The following DMD variants were observed in gnomAD, a reference collection of about 807,000 sequenced individuals.
DMD encodes dystrophin.
Under a neutral mutation model 330.1 loss-of-function variants are expected in DMD, and 63 were observed. The ratio of observed to expected loss-of-function variants is 0.19; its 90% CI spans 0.16 to 0.24. The LOEUF (loss-of-function observed/expected upper bound fraction) is 0.24. Ranked by LOEUF, DMD falls within the 10% of genes least tolerant of loss-of-function variation. The pLI, the probability that DMD is intolerant of heterozygous loss-of-function variation, is 1.00. For missense variants in DMD, 3,344 were observed against 2,684.1 expected (o/e 1.25, Z -5.43); for synonymous variants, 1,223 against 959.8 (o/e 1.27, Z -5.07).
chrX:33,277,252 G>C (rs1395510243), intron 1 of DMD, among the ~76,000 whole-genome samples: 2 of 111,487 alleles, frequency 1.8e-5, no homozygotes, highest in African/African-American at 6.5e-5. Flanking sequence ...TTTCGTGGTT[G>C]CCAACAGCTG....
intron 67 of DMD, among the ~76,000 whole-genome samples, chrX:31,199,194 A>C (rs1057131376): frequency 1.8e-5 from 2 of 111,858 alleles, no homozygotes; most frequent in Non-Finnish European, 3.8e-5. Flanking sequence ...AAATCAATCT[A>C]ATCTCTCAAC....
intron 9 of DMD, among the ~76,000 whole-genome samples, chrX:32,657,033 G>A (rs1161557830): frequency 1.8e-5 from 2 of 110,247 alleles, no homozygotes; most frequent in African/African-American, 6.6e-5. Flanking sequence ...GTGTGTGTGT[G>A]TGTGTGTTTT....
chrX:31,545,936 T>A (rs1380138812), intron 55 of DMD, among the ~76,000 whole-genome samples: 1 of 112,101 alleles, frequency 8.9e-6, no homozygotes, highest in Non-Finnish European at 1.9e-5. Context: ...AACTGAGGTA[T>A]ATAGAGGTGA....
intron 57 of DMD, among the ~76,000 whole-genome samples, chrX:31,491,061 A>G (rs1460401414): frequency 2.7e-5 from 3 of 112,538 alleles, no homozygotes; most frequent in African/African-American, 9.7e-5. Context: ...CTTAACCAGA[A>G]AATCTCGGGA....
chrX:33,078,602 G>GT (rs1224608177), intron 1 of DMD, among the ~76,000 whole-genome samples: 1 of 111,729 alleles, frequency 9.0e-6, no homozygotes, highest in African/African-American at 3.3e-5. Context: ...ACATTTAGAT[G>GT]TTTTTTCCCT....
intron 74 of DMD, among the ~76,000 whole-genome samples, chrX:31,163,769 C>A (rs2039122280): frequency 8.9e-6 from 1 of 111,853 alleles, no homozygotes; most frequent in Non-Finnish European, 1.9e-5. Flanking sequence ...GGAAAATGCT[C>A]CCATCATTCC....
At chrX:32,417,573 C>T (rs756674587) in intron 29 of DMD, among the ~76,000 whole-genome samples, 33 of 111,184 alleles carry the variant, frequency 3.0e-4, no homozygotes, top group African/African-American at 1.0e-3. Context: ...GCAGCCTGTA[C>T]TCCCCAGTGC....
chrX:31,231,878 C>T (rs964717072), intron 63 of DMD, among the ~76,000 whole-genome samples: 2 of 110,900 alleles, frequency 1.8e-5, no homozygotes, highest in Admixed American at 9.6e-5. Context: ...AGCAAAACTC[C>T]GTCTCAAACA....
intron 7 of DMD, among the ~76,000 whole-genome samples, chrX:32,751,386 A>C: frequency 9.0e-6 from 1 of 111,517 alleles, no homozygotes; most frequent in East Asian, 2.8e-4. Flanking sequence ...ATATTTTAGC[A>C]AAGAGACTGG....
At chrX:32,952,359 C>A (rs2091301829) in intron 2 of DMD, among the ~76,000 whole-genome samples, 1 of 110,660 alleles carries the variant, frequency 9.0e-6, no homozygotes, top group African/African-American at 3.3e-5. Context: ...GTCTTGAACT[C>A]CTGACCTCAT....
At chrX:32,771,365 A>G (rs2073577645) in intron 7 of DMD, among the ~76,000 whole-genome samples, 1 of 111,551 alleles carries the variant, frequency 9.0e-6, no homozygotes, top group Non-Finnish European at 1.9e-5. Context: ...AGTTTGTCAC[A>G]CTTAAGGTGT....
At chrX:32,963,053 C>T (rs1222776969) in intron 2 of DMD, among the ~76,000 whole-genome samples, 1 of 111,353 alleles carries the variant, frequency 9.0e-6, no homozygotes, top group African/African-American at 3.3e-5. Context: ...ATTAAGGAGG[C>T]CAAAGACAAT....
intron 9 of DMD, among the ~76,000 whole-genome samples, chrX:32,669,348 A>G (rs755099554): frequency 2.7e-5 from 3 of 111,810 alleles, no homozygotes; most frequent in South Asian, 7.5e-4. Flanking sequence ...ACTGTTTAAC[A>G]TAACTACCTT....
At chrX:32,448,899 T>C (rs1337549514) in intron 26 of DMD, among the ~76,000 whole-genome samples, 1 of 110,833 alleles carries the variant, frequency 9.0e-6, no homozygotes, top group Non-Finnish European at 1.9e-5. Flanking sequence ...GGTATGGATT[T>C]GTGGTCAAAT....
chrX:32,462,461 G>A (rs1448586791), intron 25 of DMD, among the ~76,000 whole-genome samples: 3 of 111,053 alleles, frequency 2.7e-5, no homozygotes, highest in Non-Finnish European at 5.7e-5. Context: ...TTTATCTTTC[G>A]AACAAGAAGT....
intron 2 of DMD, among the ~76,000 whole-genome samples, chrX:32,905,040 G>T (rs753022991): frequency 1.8e-5 from 2 of 111,849 alleles, no homozygotes; most frequent in Non-Finnish European, 3.8e-5. Context: ...TCCCTATATT[G>T]GGACCATATG....
At chrX:32,873,982 A>T (rs2083193101) in intron 2 of DMD, among the ~76,000 whole-genome samples, 1 of 111,909 alleles carries the variant, frequency 8.9e-6, no homozygotes, top group Non-Finnish European at 1.9e-5. Context: ...GATGTTAGTC[A>T]AGTGCAGACT....
chrX:32,783,340 C>T (rs2075050789), intron 7 of DMD, among the ~76,000 whole-genome samples: 1 of 101,305 alleles, frequency 9.9e-6, no homozygotes, highest in African/African-American at 3.7e-5. Flanking sequence ...CATATATATA[C>T]ACATATATGG....
intron 43 of DMD, among the ~76,000 whole-genome samples, chrX:32,265,763 C>A (rs1161493371): frequency 1.8e-5 from 2 of 112,177 alleles, no homozygotes; most frequent in Admixed American, 9.4e-5. Flanking sequence ...ATGCATGGAG[C>A]CTGGAGCCCC....
Sources: gnomAD v4.1 joint callset for allele counts (sites outside exome capture counted in the v4.1 genomes callset) on GRCh38, gnomAD v4.1.1 for gene constraint, MANE v1.5 for transcripts, NCBI Gene and HGNC (gene_info 2026-07-23, HGNC 2026-07-21) for gene names.